Variants in PTCHD4 observed in about 807,000 individuals in gnomAD.
PTCHD4 encodes patched domain-containing protein 4.
A neutral mutation model predicts 58.1 loss-of-function variants in PTCHD4; 33 were observed. The ratio of observed to expected loss-of-function variants is 0.57; its 90% CI spans 0.43 to 0.76. PTCHD4 has a LOEUF of 0.76. PTCHD4 is among the 30% of genes least tolerant of loss of function. The pLI is 0.00. For synonymous variants in PTCHD4, 478 were observed against 409.6 expected, an observed-to-expected ratio of 1.17 and a Z score of -2.02; for missense variants, 1,058 against 1,027.1, an observed-to-expected ratio of 1.03 and a Z score of -0.41.
chr6:47,993,489 G>A (rs901120044), intron 4 of PTCHD4, among the ~76,000 whole-genome samples: 11 of 152,162 alleles, frequency 7.2e-5, no homozygotes, highest in African/African-American at 2.7e-4. Flanking sequence ...CCTCTGAAAG[G>A]AGATGCAATG....
chr6:48,044,165 T>C (rs1056912675), intron 3 of PTCHD4, among the ~76,000 whole-genome samples: 2 of 151,858 alleles, frequency 1.3e-5, no homozygotes, highest in Non-Finnish European at 2.9e-5. Context: ...GGCAGTTTCA[T>C]GAACTGAGCA....
In PTCHD4 at chr6:47,882,213, G is replaced by A. The variant is rs925124038; in HGVS notation, c.899-2277C>T. Among the ~76,000 whole-genome samples the A allele has an allele frequency of 3.3e-5, 5 of 152,162 alleles. No individual in the cohort carries two copies. The East Asian group carries it at 7.7e-4, about 24-fold the overall frequency. On this transcript the variant is annotated intron_variant, in intron 4 of 4. Transcript: ENST00000339488. ...TGCTATCTTTGTAGTCACAAGGTGG[G>A]GAAAGGCTACATAGAGCTACAGCTA...
intron 1 of PTCHD4, among the ~76,000 whole-genome samples, chr6:48,102,648 C>T (rs547935360): frequency 2.6e-5 from 4 of 152,266 alleles, no homozygotes; most frequent in East Asian, 1.9e-4. Context: ...ATGCGTGAGC[C>T]GAAGCAGGGC....
intron 4 of PTCHD4, among the ~76,000 whole-genome samples, chr6:47,974,270 T>C (rs1767613766): frequency 6.6e-6 from 1 of 152,230 alleles, no homozygotes; most frequent in Non-Finnish European, 1.5e-5. Context: ...ACCTTTCGTA[T>C]GTCCTTTGTC....
chr6:47,947,186 A>C (rs1386931883), intron 4 of PTCHD4, among the ~76,000 whole-genome samples: 6 of 152,054 alleles, frequency 3.9e-5, no homozygotes, highest in Middle Eastern at 3.4e-3. Flanking sequence ...TGCATATTTA[A>C]CTCAGAAAAG....
intron 1 of PTCHD4, among the ~76,000 whole-genome samples, chr6:48,076,686 G>C (rs548935064): frequency 6.6e-6 from 1 of 152,332 alleles, no homozygotes; most frequent in South Asian, 2.1e-4. Context: ...CAAATTAAAT[G>C]TAAAGGAGTT....
intron 1 of PTCHD4, among the ~76,000 whole-genome samples, chr6:48,095,596 A>T (rs1306330055): frequency 6.6e-6 from 1 of 152,146 alleles, no homozygotes; most frequent in South Asian, 2.1e-4. Context: ...AGGCTGAGGC[A>T]GGAGAATGGC....
At chr6:48,050,681 C>T (rs1764201539) in intron 3 of PTCHD4, among the ~76,000 whole-genome samples, 1 of 151,968 alleles carries the variant, frequency 6.6e-6, no homozygotes, top group Admixed American at 6.6e-5. Context: ...CCATTGAGCA[C>T]ACACCACCAT....
rs1018877255 is a variant in PTCHD4, at chr6:47,861,845, A to G, written c.*16458T>C. Among the ~76,000 whole-genome samples, 5 of 151,948 alleles carry G rather than the reference A, an allele frequency of 3.3e-5. No homozygotes were observed. The highest frequency in any genetic ancestry group is 9.7e-5 in the African/African-American group (4 of 41,426). ...CAGGACTTTGTACATCACTTGGCAC[A>G]TTATAGGTTCTTAATCCATGTTTGT... On this transcript the variant is annotated 3_prime_UTR_variant, in exon 5 of 5. Transcript: ENST00000339488.
intron 4 of PTCHD4, among the ~76,000 whole-genome samples, chr6:47,912,584 C>T (rs1346007571): frequency 2.0e-5 from 3 of 152,218 alleles, no homozygotes; most frequent in South Asian, 4.1e-4. Context: ...CTATTACCTT[C>T]CTTCATACCT....
chr6:47,976,351 G>A (rs150696724), intron 4 of PTCHD4, among the ~76,000 whole-genome samples: 16 of 152,166 alleles, frequency 1.1e-4, no homozygotes, highest in Non-Finnish European at 1.5e-4. Flanking sequence ...AGGCATTTAC[G>A]TTACAGAAAT....
intron 3 of PTCHD4, among the ~76,000 whole-genome samples, chr6:48,021,121 C>G (rs141353601): frequency 6.6e-6 from 1 of 151,698 alleles, no homozygotes; most frequent in Non-Finnish European, 1.5e-5. Context: ...TTAAAAAATC[C>G]TATTTTTAAA....
At chr6:47,974,499 A>C (rs201793705) in intron 4 of PTCHD4, among the ~76,000 whole-genome samples, 1 of 152,030 alleles carries the variant, frequency 6.6e-6, no homozygotes, top group East Asian at 1.9e-4. Flanking sequence ...TGACATTTGG[A>C]GCTGGGTTTT....
In PTCHD4 at chr6:47,865,041, T is replaced by C. The variant is rs1763522814; in HGVS notation, c.*13262A>G. 6.6e-6 allele frequency among the ~76,000 whole-genome samples: 1 copy of C among 151,910 alleles called. No individual in the cohort carries two copies. Among genetic ancestry groups the C allele is most frequent in the African/African-American group, 2.4e-5 (1 of 41,412 alleles). ...GTTTCTAAGCATAAATCACCTGAAC[T>C]GCTAAATTCCCTGAAATGCAAATAA... On this transcript the variant is annotated 3_prime_UTR_variant, in exon 5 of 5. Coordinates refer to ENST00000339488, the MANE Select transcript of PTCHD4 (RefSeq NM_001384253.1).
At chr6:47,952,050 G>T (rs1766673252) in intron 4 of PTCHD4, among the ~76,000 whole-genome samples, 1 of 152,070 alleles carries the variant, frequency 6.6e-6, no homozygotes. Flanking sequence ...TATAGGAGAG[G>T]ACGGCTCAGA....
chr6:48,004,982 G>A (rs1337530269), intron 4 of PTCHD4, among the ~76,000 whole-genome samples: 3 of 152,256 alleles, frequency 2.0e-5, no homozygotes, highest in African/African-American at 7.2e-5. Context: ...GAGACTGCAT[G>A]CACCTCTAAT....
chr6:47,929,182 A>C (rs1435027498), intron 4 of PTCHD4, among the ~76,000 whole-genome samples: 4 of 152,238 alleles, frequency 2.6e-5, no homozygotes, highest in Non-Finnish European at 4.4e-5. Flanking sequence ...AAATGAAAAA[A>C]AATTGGCTAA....
At chr6:47,984,527 A>G (rs149731782) in intron 4 of PTCHD4, among the ~76,000 whole-genome samples, 65 of 152,240 alleles carry the variant, frequency 4.3e-4, no homozygotes, top group Middle Eastern at 3.4e-3. Context: ...ACAATTGTCA[A>G]TGAGATTTGG....
In PTCHD4 at chr6:48,016,361, G is replaced by A. The variant is rs114897755; in HGVS notation, c.418-7247C>T. 9.9e-5 allele frequency among the ~76,000 whole-genome samples: 15 copies of A among 152,060 alleles called. No homozygotes were observed. In the South Asian group the frequency reaches 1.2e-3, roughly 13 times the overall value. On this transcript the variant is annotated intron_variant, in intron 3 of 4. Coordinates refer to ENST00000339488, the MANE Select transcript of PTCHD4 (RefSeq NM_001384253.1). ...ATCCATTGATGAGTTTTAAGCAAGC[G>A]AATGACATGATTTACTTTCAAAAGT...
Sources: gnomAD v4.1 joint callset for allele counts (sites outside exome capture counted in the v4.1 genomes callset) on GRCh38, gnomAD v4.1.1 for gene constraint, MANE v1.5 for transcripts, NCBI Gene and HGNC (gene_info 2026-07-23, HGNC 2026-07-21) for gene names.